PPFIA2: variants seen among roughly 807,000 people sequenced by gnomAD.
PPFIA2 encodes liprin-alpha-2.
A neutral mutation model predicts 175.5 loss-of-function variants in PPFIA2; 46 were observed. The observed-to-expected ratio is 0.26, with a 90% CI of 0.21 to 0.34. The LOEUF (loss-of-function observed/expected upper bound fraction) is 0.34, where lower values mean the gene tolerates loss of function less well. Among genes scored for constraint, PPFIA2 ranks in the 10% least tolerant of loss-of-function variants. The pLI, the probability that PPFIA2 is intolerant of heterozygous loss-of-function variation, is 1.00. For synonymous variants in PPFIA2, 568 were observed against 511.4 expected, an observed-to-expected ratio of 1.11 and a Z score of -1.49; for missense variants, 1,179 against 1,506.1, an observed-to-expected ratio of 0.78 and a Z score of 3.60.
At chr12:81,738,661 T>A (rs1211675449) in intron 3 of PPFIA2, among the ~76,000 whole-genome samples, 1 of 151,312 alleles carries the variant, frequency 6.6e-6, no homozygotes, top group Non-Finnish European at 1.5e-5. Context: ...AATGGTGGCA[T>A]GAAAGGTTGA....
chr12:81,265,224 C>T (rs531278263), intron 30 of PPFIA2, among the ~76,000 whole-genome samples: 56 of 126,440 alleles, frequency 4.4e-4, no homozygotes, highest in African/African-American at 1.3e-3. Context: ...ACCCAGGAGA[C>T]GGAGGTTGTG....
chr12:81,527,668 T>C (rs541377209), intron 4 of PPFIA2, among the ~76,000 whole-genome samples: 42 of 152,258 alleles, frequency 2.8e-4, no homozygotes, highest in African/African-American at 1.0e-3. Flanking sequence ...TATATATTTC[T>C]GATGGACTGA....
chr12:81,659,756 C>T (rs888406051), intron 4 of PPFIA2, among the ~76,000 whole-genome samples: 1 of 152,184 alleles, frequency 6.6e-6, no homozygotes, highest in African/African-American at 2.4e-5. Flanking sequence ...CAGACTGCCT[C>T]CTCAAGTGAG....
intron 4 of PPFIA2, among the ~76,000 whole-genome samples, chr12:81,591,723 G>A (rs1393989717): frequency 6.6e-6 from 1 of 152,166 alleles, no homozygotes; most frequent in Non-Finnish European, 1.5e-5. Context: ...TGGGTGCACA[G>A]AAGTCAAGAA....
At chr12:81,729,642 C>T (rs955948670) in intron 3 of PPFIA2, among the ~76,000 whole-genome samples, 8 of 151,360 alleles carry the variant, frequency 5.3e-5, no homozygotes, top group Admixed American at 1.3e-4. Context: ...ATTAAGGTTA[C>T]GGAATTTAAA....
rs1436996268 is a variant in PPFIA2 at position 81,353,311 on chromosome 12, T to G, written c.1802A>C (p.Asn601Thr). Residue 601 changes from asparagine to threonine, a missense_variant, in exon 17 of 33, where the codon AAT (asparagine) becomes ACT (threonine). By Grantham distance (65) the Asn-to-Thr change is moderately conservative. Around this residue, in one of 10 missense-constraint regions of PPFIA2, gnomAD observed 186 missense variants for 163.6 expected, o/e 1.14. Transcript: ENST00000549396. ...KVKSLGDHEW[N>T]RTQQIGVLSS... The stretch of plus-strand genomic sequence containing the variant: ...TAGTACTCCAATCTGTTGAGTTCTA[T>G]TCCACTCGTGATCCCCAAGAGATTT... The G allele has an allele frequency of 1.9e-6, 3 of 1,613,390 alleles. No homozygotes were observed. In the East Asian group the frequency reaches 6.7e-5, roughly 36 times the overall value.
rs529562064 is a variant in PPFIA2 at position 81,578,808 on chromosome 12, C to G, written c.303+97983G>C. On this transcript the variant is annotated intron_variant, in intron 4 of 32. Coordinates refer to ENST00000549396, the MANE Select transcript of PPFIA2 (RefSeq NM_003625.5). ...ACATTCTTTTAGCCATATCATGATG[C>G]CTCTCAGGAAATATTGTCTGCTCTG... Among the ~76,000 whole-genome samples, 10 of 151,794 alleles carry G rather than the reference C, an allele frequency of 6.6e-5. 1 individual carries two copies. In the South Asian group the frequency reaches 1.7e-3, roughly 25 times the overall value.
intron 24 of PPFIA2, among the ~76,000 whole-genome samples, chr12:81,293,308 C>T (rs907655253): frequency 6.6e-6 from 1 of 151,762 alleles, no homozygotes; most frequent in Non-Finnish European, 1.5e-5. Flanking sequence ...GTCATGCATG[C>T]CTTTTTTGTC....
At chr12:81,598,311 C>T in intron 4 of PPFIA2, 1 of 1,180,540 alleles carries the variant, frequency 8.5e-7, no homozygotes, top group Non-Finnish European at 1.1e-6. Flanking sequence ...AAAGCAAGAA[C>T]CAACGATAAA....
intron 4 of PPFIA2, among the ~76,000 whole-genome samples, chr12:81,602,649 T>C (rs2059911964): frequency 6.6e-6 from 1 of 151,870 alleles, no homozygotes; most frequent in South Asian, 2.1e-4. Flanking sequence ...TCATTCACTT[T>C]CCTAACACCT....
rs761342118 is a variant in PPFIA2, at chr12:81,294,918, G to C, written c.2842C>G (p.Pro948Ala). 6.2e-7 allele frequency: 1 copy of C among 1,613,620 alleles called. No homozygotes were observed. The highest frequency in any genetic ancestry group is 8.5e-7 in the Non-Finnish European group (1 of 1,179,738). The stretch of plus-strand genomic sequence containing the variant: ...AATCGAAGTTTTAAGCGATGCAGTG[G>C]ATTGCTGATTCCAATTTCTCTCTGG... ...EIQREIGISNPLHRLKLRLAI... is the reference protein window; with the variant it reads ...EIQREIGISNALHRLKLRLAI... Residue 948 changes from proline to alanine, a missense_variant, in exon 24 of 33, where the codon CCA becomes GCA. Physicochemically the swap from Pro to Ala is conservative, Grantham distance 27 (BLOSUM62 -1). This residue lies in a region of PPFIA2 where 245 missense variants were observed against 375.1 expected (regional missense o/e 0.65). Transcript: ENST00000549396.
chr12:81,321,654 C>T (rs1180690040), intron 22 of PPFIA2, among the ~76,000 whole-genome samples: 1 of 152,138 alleles, frequency 6.6e-6, no homozygotes, highest in Non-Finnish European at 1.5e-5. Flanking sequence ...AAGCCATGCT[C>T]TACCAGCTTT....
chr12:81,663,463 C>T (rs1431703024), intron 4 of PPFIA2, among the ~76,000 whole-genome samples: 1 of 152,054 alleles, frequency 6.6e-6, no homozygotes, highest in East Asian at 1.9e-4. Context: ...AATAAAATAC[C>T]TAGGAATCCA....
intron 3 of PPFIA2, among the ~76,000 whole-genome samples, chr12:81,713,176 G>A (rs530139696): frequency 6.6e-6 from 1 of 151,002 alleles, no homozygotes; most frequent in East Asian, 2.0e-4. Flanking sequence ...GCTTTTTTGG[G>A]GGGGTCTGAT....
rs185971263 is a variant in PPFIA2, at chr12:81,432,207, C to T, written c.645+7765G>A. 1.8e-4 allele frequency among the ~76,000 whole-genome samples: 28 copies of T among 152,138 alleles called. No homozygotes were observed. The Middle Eastern group carries it at 0.01, about 55-fold the overall frequency. ...TCAGCCATTACCATCATCTGTCTTC[C>T]GAACTTCATTCATCTTCCCAAACTG... On this transcript the variant is annotated intron_variant, in intron 7 of 32. Transcript: ENST00000549396.
chr12:81,312,250 T>C (rs925169403), intron 22 of PPFIA2: 8 of 1,305,730 alleles, frequency 6.1e-6, no homozygotes, highest in African/African-American at 1.5e-5. Context: ...AAGAAAACCA[T>C]GGAATAAAAC....
chr12:81,455,482 A>G (rs1309291267), intron 5 of PPFIA2, among the ~76,000 whole-genome samples: 2 of 152,186 alleles, frequency 1.3e-5, no homozygotes, highest in African/African-American at 4.8e-5. Context: ...AATGGCTTCA[A>G]TATCTGTTAT....
At chr12:81,632,284 A>G (rs1349532686) in intron 4 of PPFIA2, among the ~76,000 whole-genome samples, 1 of 152,086 alleles carries the variant, frequency 6.6e-6, no homozygotes, top group Non-Finnish European at 1.5e-5. Flanking sequence ...ACCCCAAATC[A>G]TTCTGTAAAT....
At position 81,650,411 on chromosome 12, in the gene PPFIA2, C is replaced by T. The variant is rs189482106; in HGVS notation, c.303+26380G>A. Among the ~76,000 whole-genome samples the T allele has an allele frequency of 4.1e-3, 622 of 152,068 alleles. 3 individuals carry two copies. The highest frequency in any genetic ancestry group is 0.014 in the African/African-American group (583 of 41,470). ...ACTTGTACTATTAGTCTTTAACATGCCTTCTTTCTAAAGGATTTTCAAAAA... is the reference window on the plus strand; with the variant it reads ...ACTTGTACTATTAGTCTTTAACATGTCTTCTTTCTAAAGGATTTTCAAAAA... On this transcript the variant is annotated intron_variant, in intron 4 of 32. Transcript: ENST00000549396.
Sources: allele counts gnomAD v4.1 joint callset (sites outside exome capture counted in the v4.1 genomes callset), GRCh38; gene constraint gnomAD v4.1.1; regional missense constraint gnomAD v4.1.1; transcripts MANE v1.5; gene names NCBI Gene and HGNC (gene_info 2026-07-23, HGNC 2026-07-21).